The following VWA8 variants were observed in gnomAD, a reference collection of about 807,000 sequenced individuals.
The protein encoded by VWA8 is von Willebrand factor A domain containing 8, also known as von Willebrand factor A domain-containing protein 8.
A neutral mutation model predicts 241.5 loss-of-function variants in VWA8; 221 were observed. The ratio of observed to expected loss-of-function variants is 0.91; its 90% confidence interval spans 0.82 to 1.02. The LOEUF is 1.02. Among genes scored for constraint, VWA8 ranks in the 50% least tolerant of loss-of-function variants. The probability of loss-of-function intolerance (pLI) is 0.00; values close to 1 mark genes in which losing one functional copy is unlikely to be tolerated. For missense variants in VWA8, 2,322 were observed against 2,328.7 expected, an observed-to-expected ratio of 1.00 and a Z score of 0.06; for synonymous variants, 852 against 827.1, an observed-to-expected ratio of 1.03 and a Z score of -0.52.
In VWA8 at chr13:41,738,782, A is replaced by G. The variant is rs2045544812; in HGVS notation, c.2427-6627T>C. Among the ~76,000 whole-genome samples the G allele has an allele frequency of 3.9e-5, 6 of 152,228 alleles. No individual in the cohort carries two copies. The South Asian group carries it at 1.2e-3, about 32-fold the overall frequency. ...GTGCAGGTCCCTTATTTGAACAGAA[A>G]AACACATTTTCTAATCATTTTTTTG... On this transcript the variant is annotated intron_variant, in intron 21 of 44. Coordinates refer to ENST00000379310, the MANE Select transcript of VWA8 (RefSeq NM_015058.2).
intron 9 of VWA8, among the ~76,000 whole-genome samples, chr13:41,882,149 T>A (rs142797247): frequency 6.9e-6 from 1 of 144,068 alleles, no homozygotes; most frequent in Non-Finnish European, 1.5e-5. Flanking sequence ...GTGGAGGTGC[T>A]CCTCACATCC....
At chr13:41,920,709 G>T (rs775765413) in intron 2 of VWA8, among the ~76,000 whole-genome samples, 26 of 152,042 alleles carry the variant, frequency 1.7e-4, no homozygotes, top group Admixed American at 1.7e-3. Flanking sequence ...TAAATTCCTC[G>T]ACACATACAC....
intron 37 of VWA8, among the ~76,000 whole-genome samples, chr13:41,621,005 T>C (rs2044653644): frequency 6.6e-6 from 1 of 152,034 alleles, no homozygotes; most frequent in Non-Finnish European, 1.5e-5. Context: ...CAAAGTAGGG[T>C]TTTCATTAAA....
rs143134025 is a variant in VWA8, at chr13:41,635,187, T to C, written c.4612-20103A>G. Among the ~76,000 whole-genome samples, 186 of 152,312 alleles carry C rather than the reference T, an allele frequency of 1.2e-3. 4 individuals carry two copies. The Middle Eastern group carries it at 0.041, about 33-fold the overall frequency. On this transcript the variant is annotated intron_variant, in intron 37 of 44. Transcript: ENST00000379310. ...AACTAAAATTCTACTATGAATTTACTGGGGTAAGTGCATATCTGACATTGG... is the reference window on the plus strand; with the variant it reads ...AACTAAAATTCTACTATGAATTTACCGGGGTAAGTGCATATCTGACATTGG...
Position 41,896,050 on chromosome 13 carries a change from A to G in VWA8, c.484-4463T>C, listed in dbSNP as rs182831674. Among the ~76,000 whole-genome samples, 13 of 152,156 alleles carry G rather than the reference A, an allele frequency of 8.5e-5. No homozygotes were observed. The East Asian group carries it at 2.5e-3, about 29-fold the overall frequency. On this transcript the variant is annotated intron_variant, in intron 4 of 44. Coordinates refer to ENST00000379310, the MANE Select transcript of VWA8 (RefSeq NM_015058.2). ...TTAGGAGTGAGTTTAATTTAGGAAT[A>G]CAAAGAACCATGACTAGATAGGCAA...
At chr13:41,880,476 T>C (rs915439937) in intron 9 of VWA8, among the ~76,000 whole-genome samples, 1 of 152,172 alleles carries the variant, frequency 6.6e-6, no homozygotes, top group Non-Finnish European at 1.5e-5. Context: ...TATTATCCAA[T>C]CCACAGACCC....
chr13:41,592,375 A>C (rs2044461278), intron 40 of VWA8, among the ~76,000 whole-genome samples: 2 of 149,872 alleles, frequency 1.3e-5, no homozygotes, highest in South Asian at 4.3e-4. Flanking sequence ...CTAGATGACG[A>C]GTTAGTGGGT....
intron 12 of VWA8, 96 bp downstream of exon 12, chr13:41,865,640 A>G: frequency 7.3e-7 from 1 of 1,367,562 alleles, no homozygotes; most frequent in East Asian, 2.4e-5. Context: ...CTATATAAAA[A>G]AACACAGGTC....
intron 20 of VWA8, among the ~76,000 whole-genome samples, chr13:41,772,147 C>A (rs1000948744): frequency 3.9e-5 from 6 of 152,166 alleles, no homozygotes; most frequent in Non-Finnish European, 8.8e-5. Context: ...GCCTCGGCCT[C>A]CCAAAGTGCT....
At chr13:41,835,134 T>C (rs1393625293) in intron 12 of VWA8, among the ~76,000 whole-genome samples, 4 of 152,166 alleles carry the variant, frequency 2.6e-5, no homozygotes, top group Non-Finnish European at 5.9e-5. Context: ...TAATGGATGA[T>C]GGGCTTAATA....
intron 43 of VWA8, 21 bp from the exon 44 acceptor site, chr13:41,570,727 A>G: frequency 6.2e-7 from 1 of 1,602,040 alleles, no homozygotes; most frequent in African/African-American, 1.3e-5. Flanking sequence ...AAGAAGTTGC[A>G]CAAAAGCCAT....
Position 41,701,397 on chromosome 13 carries a change from G to A in VWA8, c.3359C>T (p.Ser1120Leu). 1 of 1,599,430 alleles carries A rather than the reference G, an allele frequency of 6.3e-7. No homozygotes were observed. Among genetic ancestry groups the A allele is most frequent in the Non-Finnish European group, 8.5e-7 (1 of 1,175,002 alleles). ...EINIICDIATSHENEQNTLYV... is the reference protein window; with the variant it reads ...EINIICDIATLHENEQNTLYV... The stretch of plus-strand genomic sequence containing the variant: ...AAAAGAATAAGCAGACATACCATGT[G>A]ATGTAGCAATGTCACAGATTATATT... The change falls in exon 28 of 45, where the codon TCA becomes TTA. Residue 1120 changes from serine (S) to leucine (L), a missense_variant. Ser to Leu is a moderately radical substitution (Grantham distance 145). Transcript: ENST00000379310.
rs76543065 is a variant in VWA8, at chr13:41,858,659, C to A, written c.1425+7077G>T. Among the ~76,000 whole-genome samples, 240 of 151,872 alleles carry A rather than the reference C, an allele frequency of 1.6e-3. 7 individuals are homozygous for A. In the East Asian group the frequency reaches 0.04, roughly 25 times the overall value. ...ACTAAAGAAGATATGAGACAGAAGC[C>A]TTGGTAAGCCTGAGATTTGAAAAGG... On this transcript the variant is annotated intron_variant, in intron 12 of 44. Coordinates refer to ENST00000379310, the MANE Select transcript of VWA8 (RefSeq NM_015058.2).
chr13:41,587,584 G>A lies in VWA8; in HGVS notation c.5199C>T (p.Gly1733=). The change falls in exon 42 of 45, where the codon GGC becomes GGT. Residue 1733 remains glycine, a synonymous_variant. Transcript: ENST00000379310. ...GSMYRFNRMD[G]RLERTMEAVC... is the part of the protein sequence containing the mutation. The stretch of plus-strand genomic sequence containing the variant: ...CAGCCTCCATTGTGCGCTCAAGCCG[G>A]CCATCCATCCTGTTGAAACGGTACA... 1 of 1,614,134 alleles carries A rather than the reference G, an allele frequency of 6.2e-7. No individual in the cohort carries two copies. The highest frequency in any genetic ancestry group is 8.5e-7 in the Non-Finnish European group (1 of 1,180,020).
At chr13:41,659,813 C>T (rs1163454271) in intron 37 of VWA8, among the ~76,000 whole-genome samples, 1 of 152,168 alleles carries the variant, frequency 6.6e-6, no homozygotes, top group Non-Finnish European at 1.5e-5. Flanking sequence ...GAAACTGTTA[C>T]GTGTCCTATA....
In VWA8 at chr13:41,761,172, G is replaced by A. The variant is rs145470651; in HGVS notation, c.2382C>T (p.Phe794=). The A allele has an allele frequency of 1.2e-6, 2 of 1,611,616 alleles. No homozygotes were observed. Among genetic ancestry groups the A allele is most frequent in the African/African-American group, 1.3e-5 (1 of 74,808 alleles). The change falls in exon 21 of 45, where the codon TTC becomes TTT. Residue 794 remains phenylalanine (F), a synonymous_variant. Transcript: ENST00000379310. ...GVGKNKIVDR[F]LHLLNRPREY... The stretch of plus-strand genomic sequence containing the variant: ...CTCGGGGTCTGTTGAGCAGGTGAAG[G>A]AATCTGTCAACAATCTTGTTTTTTC...
chr13:41,837,023 C>G (rs143366085), intron 12 of VWA8, among the ~76,000 whole-genome samples: 1 of 146,056 alleles, frequency 6.8e-6, no homozygotes, highest in Non-Finnish European at 1.5e-5. Flanking sequence ...TAAACACACA[C>G]GTGCAGATAG....
chr13:41,613,868 A>G (rs549401266), intron 38 of VWA8, among the ~76,000 whole-genome samples: 15 of 152,200 alleles, frequency 9.9e-5, no homozygotes, highest in Non-Finnish European at 2.2e-4. Context: ...GCAGAGAGAA[A>G]AAGAGAAATT....
chr13:41,950,481 GC>G (rs1314379112), intron 1 of VWA8, among the ~76,000 whole-genome samples: 1 of 151,862 alleles, frequency 6.6e-6, no homozygotes, highest in Admixed American at 6.6e-5. Flanking sequence ...CCATTCTCCT[GC>G]CTCAGCCTCC....
Sources: allele counts gnomAD v4.1 joint callset (sites outside exome capture counted in the v4.1 genomes callset), GRCh38; gene constraint gnomAD v4.1.1; transcripts MANE v1.5; gene names NCBI Gene and HGNC (gene_info 2026-07-23, HGNC 2026-07-21).